RAB40B: variants seen among roughly 807,000 people sequenced by gnomAD.
RAB40B encodes the protein ras-related protein Rab-40B.
Under a neutral mutation model 24.0 loss-of-function variants are expected in RAB40B, and 21 were observed. The observed-to-expected ratio is 0.88, with a 90% CI of 0.62 to 1.26. The LOEUF (loss-of-function observed/expected upper bound fraction) is 1.26. Ranked by LOEUF, RAB40B falls within the 50% of genes most tolerant of loss-of-function variation. The pLI is 0.00. For synonymous variants in RAB40B, 167 were observed against 169.8 expected (o/e 0.98, Z 0.13); for missense variants, 348 against 390.5 (o/e 0.89, Z 0.92).
intron 1 of RAB40B, among the ~76,000 whole-genome samples, chr17:82,677,097 C>T (rs1022397987): frequency 7.9e-5 from 12 of 151,726 alleles, no homozygotes; most frequent in South Asian, 4.2e-4. Context: ...TACAGGCGCC[C>T]GCCACCACGC....
At chr17:82,658,737 G>A (rs758831863) in intron 4 of RAB40B, 24 bp from the exon 5 acceptor site, 3 of 1,588,812 alleles carry the variant, frequency 1.9e-6, no homozygotes, top group Non-Finnish European at 2.6e-6. Flanking sequence ...GAAAGGCGAG[G>A]AGCATGGGTT....
rs754028628 is a variant in RAB40B, at chr17:82,658,721, G to T, written c.343-8C>A. ...GGGGACTCCGGGGGCATGCTAGCGG[G>T]CAGGAGAAAGGCGAGGAGCATGGGT... is the stretch of plus-strand genomic sequence containing the variant. On this transcript the variant is annotated splice_polypyrimidine_tract_variant and splice_region_variant and intron_variant, in intron 4 of 5. Transcript: ENST00000571995. The T allele has an allele frequency of 6.2e-7, 1 of 1,604,408 alleles. No individual in the cohort carries two copies. The highest frequency in any genetic ancestry group is 8.5e-7 in the Non-Finnish European group (1 of 1,174,720).
intron 1 of RAB40B, among the ~76,000 whole-genome samples, chr17:82,666,104 A>G (rs972433790): frequency 8.6e-5 from 13 of 150,374 alleles, no homozygotes; most frequent in Admixed American, 3.3e-4. Context: ...ACCTGCCACC[A>G]CACCTGCCAC....
Position 82,663,560 on chromosome 17 carries a change from C to T in RAB40B, c.203+936G>A, listed in dbSNP as rs1435654182. Reference sequence around the variant, plus strand: ...GGAGGGAGAGGTGCCCCGGGCTTGCCCCAAGGTGAGGAGCTGGGGTTCTCA... The same window carrying T: ...GGAGGGAGAGGTGCCCCGGGCTTGCTCCAAGGTGAGGAGCTGGGGTTCTCA... On this transcript the variant is annotated intron_variant, in intron 2 of 5. Transcript: ENST00000571995. The surrounding 1 kb of genome is among the most constrained non-coding windows in gnomAD (Gnocchi z 6.2). Among the ~76,000 whole-genome samples, 2 of 151,676 alleles carry T rather than the reference C, an allele frequency of 1.3e-5. No individual in the cohort carries two copies. Among genetic ancestry groups the T allele is most frequent in the Non-Finnish European group, 2.9e-5 (2 of 67,892 alleles).
chr17:82,687,989 T>C (rs1186074518), intron 1 of RAB40B, among the ~76,000 whole-genome samples: 3 of 152,130 alleles, frequency 2.0e-5, no homozygotes, highest in Middle Eastern at 3.2e-3. Flanking sequence ...AGAGGACTGT[T>C]TGAGCCCAGG....
At chr17:82,659,736 C>T (rs2046138045) in intron 3 of RAB40B, 79 bp from the exon 4 acceptor site, 1 of 1,091,510 alleles carries the variant, frequency 9.2e-7, no homozygotes, top group South Asian at 1.3e-5. Flanking sequence ...AGACATACAA[C>T]TAAATAACCA....
rs2264576 is a variant in RAB40B at position 82,682,097 on chromosome 17, A to G, written c.142+16358T>C. Among the ~76,000 whole-genome samples, 956 of 140,236 alleles carry G rather than the reference A, an allele frequency of 6.8e-3. 9 individuals are homozygous for G. Among genetic ancestry groups the G allele is most frequent in the South Asian group, 0.024 (102 of 4,202 alleles). 92.0% of individuals were successfully genotyped at this position (140,236 alleles called of 152,430 possible). On this transcript the variant is annotated intron_variant, in intron 1 of 5. Coordinates refer to ENST00000571995, the MANE Select transcript of RAB40B (RefSeq NM_006822.3). The stretch of plus-strand genomic sequence containing the variant: ...AAAACCATCTCGATTACCAGATGAC[A>G]TTACTATACACACACACACGCATGC...
At chr17:82,684,113 C>CGG (rs375156395) in intron 1 of RAB40B, among the ~76,000 whole-genome samples, 1,992 of 150,368 alleles carry the variant, frequency 0.013, 44 homozygotes, top group African/African-American at 0.04. Context: ...CCCAGCTACT[C>CGG]GGGAGGCTGA....
At chr17:82,696,782 C>T (rs2046613524) in intron 1 of RAB40B, 1 of 156,624 alleles carries the variant, frequency 6.4e-6, no homozygotes, top group African/African-American at 2.4e-5. Context: ...AATCTCCAGC[C>T]CTGTCCTCCA....
At chr17:82,686,002 C>G (rs2046496216) in intron 1 of RAB40B, among the ~76,000 whole-genome samples, 1 of 152,196 alleles carries the variant, frequency 6.6e-6, no homozygotes. Context: ...CGGGGTTTCA[C>G]CATGTTGGCC....
chr17:82,659,976 C>T (rs542152242), intron 3 of RAB40B, among the ~76,000 whole-genome samples: 3 of 152,388 alleles, frequency 2.0e-5, no homozygotes, highest in African/African-American at 7.2e-5. Flanking sequence ...GGATGGATTG[C>T]ACGCATACAC....
intron 1 of RAB40B, among the ~76,000 whole-genome samples, chr17:82,689,928 C>T (rs575991733): frequency 6.8e-6 from 1 of 147,614 alleles, no homozygotes; most frequent in Admixed American, 6.9e-5. Context: ...GATCGTGCCA[C>T]TGCACTCCAG....
At position 82,663,059 on chromosome 17, in the gene RAB40B, G is replaced by A. The variant is rs1039070833; in HGVS notation, c.203+1437C>T. On this transcript the variant is annotated intron_variant, in intron 2 of 5. Transcript: ENST00000571995. The surrounding 1 kb of genome is among the most constrained non-coding windows in gnomAD (Gnocchi z 6.2). Reference sequence around the variant, plus strand: ...GCAGCAAAGGCCCAGCTGGCGGAGGGTGGGGAGCAGGACAGGGGCTGACGG... The same window carrying A: ...GCAGCAAAGGCCCAGCTGGCGGAGGATGGGGAGCAGGACAGGGGCTGACGG... Among the ~76,000 whole-genome samples, 1 of 152,168 alleles carries A rather than the reference G, an allele frequency of 6.6e-6. No individual in the cohort carries two copies. The highest frequency in any genetic ancestry group is 2.4e-5 in the African/African-American group (1 of 41,440).
intron 1 of RAB40B, 171 bp from the exon 2 acceptor site, chr17:82,664,727 C>A: frequency 1.6e-6 from 1 of 616,262 alleles, no homozygotes; most frequent in South Asian, 1.9e-5. Flanking sequence ...GCCCTGCCTG[C>A]GCCCTCCCGC....
chr17:82,689,542 C>T (rs1001085865), intron 1 of RAB40B, among the ~76,000 whole-genome samples: 19 of 152,084 alleles, frequency 1.2e-4, no homozygotes, highest in Non-Finnish European at 1.9e-4. Context: ...AGGACACAGG[C>T]GAGGTGGGGC....
At chr17:82,683,115 C>A (rs2046462406) in intron 1 of RAB40B, among the ~76,000 whole-genome samples, 1 of 152,176 alleles carries the variant, frequency 6.6e-6, no homozygotes, top group Non-Finnish European at 1.5e-5. Context: ...TGCATTCCAG[C>A]CTGGGCTACA....
intron 1 of RAB40B, among the ~76,000 whole-genome samples, chr17:82,672,731 C>T (rs1463305642): frequency 3.3e-5 from 5 of 152,344 alleles, no homozygotes; most frequent in South Asian, 2.1e-4. Context: ...TTGGACTTCC[C>T]AGCCTCCAGA....
chr17:82,674,861 C>T (rs895731978), intron 1 of RAB40B, among the ~76,000 whole-genome samples: 1 of 151,990 alleles, frequency 6.6e-6, no homozygotes, highest in East Asian at 1.9e-4. Context: ...AGGGTGTGTG[C>T]AGGGAGTAGG....
chr17:82,674,976 G>C (rs2046381896), intron 1 of RAB40B, among the ~76,000 whole-genome samples: 1 of 152,120 alleles, frequency 6.6e-6, no homozygotes, highest in South Asian at 2.1e-4. Flanking sequence ...CGGCTGTGTG[G>C]GGCACCACAT....
Sources: allele counts gnomAD v4.1 joint callset (sites outside exome capture counted in the v4.1 genomes callset), GRCh38; gene constraint gnomAD v4.1.1; non-coding constraint Gnocchi (gnomAD v3.1); transcripts MANE v1.5; gene names NCBI Gene and HGNC (gene_info 2026-07-23, HGNC 2026-07-21).